The following SCAPER variants were observed in gnomAD, a reference collection of about 807,000 sequenced individuals.
The protein encoded by SCAPER is S phase cyclin A-associated protein in the endoplasmic reticulum.
SCAPER carries 98 observed loss-of-function variants against 182.2 expected under a neutral mutation model. The ratio of observed to expected loss-of-function variants is 0.54; its 90% CI spans 0.46 to 0.64. The LOEUF (loss-of-function observed/expected upper bound fraction) is 0.64, where lower values mean the gene tolerates loss of function less well. Ranked by LOEUF, SCAPER falls within the 30% of genes least tolerant of loss-of-function variation. The pLI is 0.00. For missense variants in SCAPER, 1,432 were observed against 1,690.0 expected (o/e 0.85, Z 2.68); for synonymous variants, 605 against 564.6 (o/e 1.07, Z -1.01).
chr15:76,383,881 A>G (rs1265369003), intron 27 of SCAPER, among the ~76,000 whole-genome samples: 1 of 152,222 alleles, frequency 6.6e-6, no homozygotes, highest in Non-Finnish European at 1.5e-5. Context: ...ACTATAATGC[A>G]ATCTTGTATT....
intron 6 of SCAPER, among the ~76,000 whole-genome samples, chr15:76,803,837 C>T (rs1224837876): frequency 2.6e-5 from 4 of 151,762 alleles, no homozygotes; most frequent in Middle Eastern, 3.4e-3. Flanking sequence ...AAGGCACATT[C>T]AGGCCACAGC....
chr15:76,566,077 T>C (rs1200053191), intron 23 of SCAPER, among the ~76,000 whole-genome samples: 7 of 152,078 alleles, frequency 4.6e-5, no homozygotes, highest in African/African-American at 1.7e-4. Flanking sequence ...TCTAGCAGGA[T>C]CTGAACACAG....
At chr15:76,729,289 T>TACAC (rs1166540568) in intron 16 of SCAPER, among the ~76,000 whole-genome samples, 56 of 101,794 alleles carry the variant, frequency 5.5e-4, no homozygotes, top group Middle Eastern at 4.5e-3. Flanking sequence ...CACATATATA[T>TACAC]ACACATACAC....
intron 26 of SCAPER, among the ~76,000 whole-genome samples, chr15:76,429,802 G>A (rs1170321067): frequency 3.3e-5 from 5 of 152,174 alleles, no homozygotes; most frequent in Admixed American, 1.3e-4. Flanking sequence ...TATTCAAGCC[G>A]ACTGCAGAAA....
chr15:76,807,192 T>C (rs2151549810), intron 5 of SCAPER, among the ~76,000 whole-genome samples: 1 of 152,348 alleles, frequency 6.6e-6, no homozygotes, highest in South Asian at 2.1e-4. Flanking sequence ...ACATTAACTG[T>C]GGATTTTTCA....
Position 76,705,939 on chromosome 15 carries a change from T to G in SCAPER, c.2211A>C (p.Glu737Asp). 1 of 1,564,842 alleles carries G rather than the reference T, an allele frequency of 6.4e-7. No individual in the cohort carries two copies. Among genetic ancestry groups the G allele is most frequent in the South Asian group, 1.2e-5 (1 of 85,160 alleles). Residue 737 changes from glutamate to aspartate, a missense_variant, in exon 18 of 32, where the codon GAA becomes GAC. Physicochemically the swap from Glu to Asp is conservative, Grantham distance 45. This residue lies in a region of SCAPER where 718 missense variants were observed against 799.7 expected (regional missense o/e 0.90). Coordinates refer to ENST00000563290, the MANE Select transcript of SCAPER (RefSeq NM_020843.4). ...TTTTTTTCTGTAACTCTTCCATAGC[T>G]TCTTGTTGAGCAGCTGTGAGTGCTG... ...RLAALTAAQQ[E>D]AMEELQKKIQ...
chr15:76,512,024 A>G (rs1406836478), intron 23 of SCAPER, among the ~76,000 whole-genome samples: 1 of 151,314 alleles, frequency 6.6e-6, no homozygotes, highest in Non-Finnish European at 1.5e-5. Context: ...CTGGGATTAC[A>G]GGCACCTGAC....
chr15:76,781,358 G>A (rs1041841540), intron 8 of SCAPER, among the ~76,000 whole-genome samples: 21 of 152,072 alleles, frequency 1.4e-4, no homozygotes, highest in Admixed American at 1.2e-3. Context: ...AAAAAGAAAC[G>A]AACAAAGCCT....
At chr15:76,443,208 A>C (rs1158754300) in intron 25 of SCAPER, among the ~76,000 whole-genome samples, 1 of 152,234 alleles carries the variant, frequency 6.6e-6, no homozygotes, top group Non-Finnish European at 1.5e-5. Context: ...AATGTTTGTG[A>C]AAAATGTGTA....
chr15:76,631,917 TA>T (rs2053148146), intron 21 of SCAPER, among the ~76,000 whole-genome samples: 1 of 152,228 alleles, frequency 6.6e-6, no homozygotes, highest in Non-Finnish European at 1.5e-5. Context: ...CTCTTTCAGT[TA>T]CCCCTATCAG....
At chr15:76,457,148 C>T (rs776652507) in intron 25 of SCAPER, among the ~76,000 whole-genome samples, 4 of 151,916 alleles carry the variant, frequency 2.6e-5, no homozygotes, top group Non-Finnish European at 2.9e-5. Context: ...CCGCAACCTC[C>T]GCCTCCCGGG....
At chr15:76,438,174 C>T (rs951638931) in intron 25 of SCAPER, among the ~76,000 whole-genome samples, 5 of 148,502 alleles carry the variant, frequency 3.4e-5, no homozygotes, top group African/African-American at 1.2e-4. Context: ...CCCAGCTCCT[C>T]GGGAGGCTGA....
intron 28 of SCAPER, among the ~76,000 whole-genome samples, chr15:76,377,240 G>A (rs1212496658): frequency 6.6e-6 from 1 of 152,122 alleles, no homozygotes; most frequent in Admixed American, 6.5e-5. Flanking sequence ...CCATTTTAGC[G>A]AGCATTCCTG....
intron 25 of SCAPER, among the ~76,000 whole-genome samples, chr15:76,461,543 AT>A (rs2049177130): frequency 6.6e-6 from 1 of 151,590 alleles, no homozygotes; most frequent in Non-Finnish European, 1.5e-5. Flanking sequence ...TAAGTTTTTT[AT>A]TTCAGGTATT....
At chr15:76,556,850 TAAA>T (rs2046234079) in intron 23 of SCAPER, among the ~76,000 whole-genome samples, 1 of 152,120 alleles carries the variant, frequency 6.6e-6, no homozygotes, top group African/African-American at 2.4e-5. Context: ...CTTCTATATC[TAAA>T]AAATCCCACA....
chr15:76,753,070 A>C (rs999027293), intron 15 of SCAPER, among the ~76,000 whole-genome samples: 3 of 151,768 alleles, frequency 2.0e-5, no homozygotes, highest in African/African-American at 7.2e-5. Flanking sequence ...TAAAACTTAA[A>C]CATGAACCTA....
In SCAPER at chr15:76,433,279, G is replaced by A. The variant is rs537705488; in HGVS notation, c.3311+799C>T. On this transcript the variant is annotated intron_variant, in intron 26 of 31. Transcript: ENST00000563290. ...TCCCAGCACTTTGGGAGATGGAGGC[G>A]GGTGGGTCATTTGTGGTCAAGAGTT... Among the ~76,000 whole-genome samples the A allele has an allele frequency of 9.9e-5, 15 of 152,242 alleles. No individual in the cohort carries two copies. The East Asian group carries it at 2.3e-3, about 24-fold the overall frequency.
chr15:76,396,457 C>G (rs1027625868), intron 27 of SCAPER, among the ~76,000 whole-genome samples: 1 of 152,160 alleles, frequency 6.6e-6, no homozygotes, highest in Non-Finnish European at 1.5e-5. Flanking sequence ...AATCCATGAA[C>G]ATGAAACAGT....
chr15:76,839,069 A>C (rs757829429), intron 5 of SCAPER, among the ~76,000 whole-genome samples: 20 of 152,254 alleles, frequency 1.3e-4, no homozygotes, highest in South Asian at 2.1e-4. Context: ...TAAAGTAGCC[A>C]ATGTCATAAA....
Sources: allele counts gnomAD v4.1 joint callset (sites outside exome capture counted in the v4.1 genomes callset), GRCh38; gene constraint gnomAD v4.1.1; regional missense constraint gnomAD v4.1.1; transcripts MANE v1.5; gene names NCBI Gene and HGNC (gene_info 2026-07-23, HGNC 2026-07-21).